Variants in SMARCE1 observed in about 807,000 individuals in gnomAD.
The protein encoded by SMARCE1 is SWI/SNF related BAF chromatin remodeling complex subunit E1.
Under a neutral mutation model 54.9 loss-of-function variants are expected in SMARCE1, and 13 were observed. The observed-to-expected ratio is 0.24, with a 90% CI of 0.15 to 0.38. The LOEUF (loss-of-function observed/expected upper bound fraction) is 0.38. SMARCE1 is among the 10% of genes least tolerant of loss of function. The probability of loss-of-function intolerance (pLI) is 1.00; values close to 1 mark genes in which losing one functional copy is unlikely to be tolerated. For synonymous variants in SMARCE1, 151 were observed against 175.3 expected, an observed-to-expected ratio of 0.86 and a Z score of 1.10; for missense variants, 295 against 523.8, an observed-to-expected ratio of 0.56 and a Z score of 4.26.
intron 9 of SMARCE1, 115 bp from the exon 10 acceptor site, chr17:40,631,039 C>A (rs537406878): frequency 3.6e-5 from 27 of 754,644 alleles, no homozygotes; most frequent in Middle Eastern, 2.8e-4. Context: ...TATCTATACA[C>A]CTGTATGTGT....
intron 3 of SMARCE1, chr17:40,644,605 A>G (rs1244332891): frequency 8.5e-5 from 13 of 152,208 alleles, no homozygotes; most frequent in Admixed American, 7.9e-4. Context: ...ATGGTACGGT[A>G]TCTCTTTTCT....
At position 40,632,298 on chromosome 17, in the gene SMARCE1, C is replaced by A; in HGVS notation, c.611G>T (p.Ser204Ile). 1 of 1,614,088 alleles carries A rather than the reference C, an allele frequency of 6.2e-7. No individual in the cohort carries two copies. The change falls in exon 8 of 11, where the codon AGT becomes ATT. Residue 204 changes from serine (S) to isoleucine (I), a missense_variant. Ser to Ile is a moderately radical substitution (Grantham distance 142). Transcript: ENST00000348513. ...ARFQRNHRLI[S>I]EILSESVVPD... ...CACCACACTCTCACTAAGAATTTCA[C>A]TGATGAGGCGGTGGTTTCTCTGGAA...
At position 40,626,231 on chromosome 17, in the gene SMARCE1, A is replaced by AT. The variant is rs1567843758; in HGVS notation, c.*2553_*2554insA. 1 of 152,118 alleles carries AT rather than the reference A, an allele frequency of 6.6e-6. No individual in the cohort carries two copies. Among genetic ancestry groups the AT allele is most frequent in the African/African-American group, 2.4e-5 (1 of 41,416 alleles). 9.4% of individuals were successfully genotyped at this position (152,118 alleles called of 1,614,324 possible). ...AACAGTCAGACTGTCTCAAAAAAAAAGGAAAATTGGGTGACTATCGAGGAT... is the reference window on the plus strand; with the variant it reads ...AACAGTCAGACTGTCTCAAAAAAAAATGGAAAATTGGGTGACTATCGAGGAT... On this transcript the variant is annotated 3_prime_UTR_variant, in exon 11 of 11. Transcript: ENST00000348513.
chr17:40,629,102 T>A lies in SMARCE1; in HGVS notation c.1028-109A>T, dbSNP rs34557988. On this transcript the variant is annotated intron_variant, in intron 10 of 10. Coordinates refer to ENST00000348513, the MANE Select transcript of SMARCE1 (RefSeq NM_003079.5). The stretch of plus-strand genomic sequence containing the variant: ...TATAGAAGCCACTAGCCACATGTGG[T>A]TATTAAACCCCTGAAATGAACCAGT... 4.8e-6 allele frequency: 4 copies of A among 834,856 alleles called. No homozygotes were observed. The African/African-American group carries it at 5.0e-5, about 10-fold the overall frequency. The allele number at this position is 834,856 out of a possible 1,614,324, so 51.7% of individuals were successfully genotyped here.
In SMARCE1 at chr17:40,626,034, C is replaced by T. The variant is rs7226035; in HGVS notation, c.*2751G>A. The T allele has an allele frequency of 0.69, 104,514 of 152,090 alleles. 36,652 individuals carry two copies. The highest frequency in any genetic ancestry group is 0.83 in the African/African-American group (34,590 of 41,466). The allele number at this position is 152,090 out of a possible 1,614,324, so 9.4% of individuals were successfully genotyped here. A position where few individuals can be genotyped will look rare whatever the true frequency, so the allele number is the denominator to read the frequency against. ...AGGAGGTCAAGAGTTCGAGACCAGGCTGGCAAACATGGCAAAATCCTGTCT... is the reference window on the plus strand; with the variant it reads ...AGGAGGTCAAGAGTTCGAGACCAGGTTGGCAAACATGGCAAAATCCTGTCT... On this transcript the variant is annotated 3_prime_UTR_variant, in exon 11 of 11. Transcript: ENST00000348513.
chr17:40,638,834 C>G (rs949126956), intron 4 of SMARCE1, among the ~76,000 whole-genome samples: 1 of 152,128 alleles, frequency 6.6e-6, no homozygotes, highest in Non-Finnish European at 1.5e-5. Flanking sequence ...TCTGTTGTTG[C>G]TATGATAAAA....
At chr17:40,641,768 A>G (rs1463329435) in intron 4 of SMARCE1, 1 of 152,190 alleles carries the variant, frequency 6.6e-6, no homozygotes, top group Non-Finnish European at 1.5e-5. Context: ...CAATTTTGAT[A>G]TCTTAGGCTG....
intron 5 of SMARCE1, chr17:40,637,177 A>G (rs2037154877): frequency 3.6e-6 from 1 of 281,686 alleles, no homozygotes; most frequent in Admixed American, 4.8e-5. Flanking sequence ...TGAGATATTA[A>G]TTCATGTAGT....
At chr17:40,633,606 A>G (rs950208730) in intron 7 of SMARCE1, 6 of 152,218 alleles carry the variant, frequency 3.9e-5, no homozygotes, top group Admixed American at 6.5e-5. Flanking sequence ...TTGCGCTGCT[A>G]TGTCAGTTTA....
At chr17:40,643,348 T>C (rs1185286357) in intron 3 of SMARCE1, 2 of 152,242 alleles carry the variant, frequency 1.3e-5, no homozygotes, top group Non-Finnish European at 2.9e-5. Context: ...GTGAACTACT[T>C]TTCTAGTTTA....
At chr17:40,631,192 T>C (rs1177844123) in intron 9 of SMARCE1, 3 of 377,274 alleles carry the variant, frequency 8.0e-6, no homozygotes, top group Non-Finnish European at 1.4e-5. Flanking sequence ...TTCTGGGGTA[T>C]ACATAAGGCT....
Position 40,642,426 on chromosome 17 carries a change from C to T in SMARCE1, c.156+29G>A. ...ATTTCTGGTCAATTCCAGTTGTTTG[C>T]CGGATGCTGTAATAGTTGATTCTCC... On this transcript the variant is annotated intron_variant, in intron 4 of 10. Coordinates refer to ENST00000348513, the MANE Select transcript of SMARCE1 (RefSeq NM_003079.5). This position sits in a 1 kb window ranked among gnomAD's most constrained non-coding sequence, Gnocchi z 4.6. The T allele has an allele frequency of 7.7e-7, 1 of 1,294,798 alleles. No individual in the cohort carries two copies. The highest frequency in any genetic ancestry group is 1.1e-6 in the Non-Finnish European group (1 of 888,686). 80.2% of individuals were successfully genotyped at this position (1,294,798 alleles called of 1,614,324 possible).
intron 7 of SMARCE1, chr17:40,633,279 G>C (rs2037114034): frequency 6.6e-6 from 1 of 151,982 alleles, no homozygotes; most frequent in African/African-American, 2.4e-5. Context: ...CAAAGCGCTG[G>C]GATTACAGGT....
chr17:40,632,109 T>A (rs2037101024), intron 8 of SMARCE1, 86 bp downstream of exon 8: 1 of 1,036,742 alleles, frequency 9.6e-7, no homozygotes, highest in African/African-American at 1.6e-5. Context: ...ATTTAACAGG[T>A]AGATTTAGGC....
At chr17:40,639,587 C>A (rs2037177792) in intron 4 of SMARCE1, among the ~76,000 whole-genome samples, 1 of 152,034 alleles carries the variant, frequency 6.6e-6, no homozygotes. Context: ...AAGAAAGGTA[C>A]ACAAATCATC....
intron 7 of SMARCE1, chr17:40,635,301 T>C (rs1307143995): frequency 6.9e-6 from 1 of 144,184 alleles, no homozygotes; most frequent in South Asian, 2.1e-4. Flanking sequence ...TGCAGGTGGC[T>C]ATCTCTGGGT....
intron 9 of SMARCE1, 75 bp from the exon 10 acceptor site, chr17:40,630,999 TG>T (rs2037088706): frequency 2.4e-6 from 3 of 1,249,902 alleles, no homozygotes; most frequent in Non-Finnish European, 3.3e-6. Flanking sequence ...TTTCAAAAGT[TG>T]GTTTTCTTGC....
intron 4 of SMARCE1, 51 bp from the exon 5 acceptor site, chr17:40,637,623 CA>C: frequency 7.0e-7 from 1 of 1,426,108 alleles, no homozygotes; most frequent in South Asian, 1.1e-5. Context: ...AGTTCACTGG[CA>C]AACTGAAAAG....
intron 6 of SMARCE1, 129 bp from the exon 7 acceptor site, chr17:40,636,231 C>T (rs2037144928): frequency 1.7e-6 from 2 of 1,180,142 alleles, no homozygotes; most frequent in Non-Finnish European, 2.4e-6. Flanking sequence ...CTCCTTTTTA[C>T]AGGCAAGAAA....
Sources: gnomAD v4.1 joint callset for allele counts (sites outside exome capture counted in the v4.1 genomes callset) on GRCh38, gnomAD v4.1.1 for gene constraint, Gnocchi (gnomAD v3.1) non-coding constraint, MANE v1.5 for transcripts, NCBI Gene and HGNC (gene_info 2026-07-23, HGNC 2026-07-21) for gene names.